IL1RAPL2: variants seen among roughly 807,000 people sequenced by gnomAD.
The protein encoded by IL1RAPL2 is interleukin 1 receptor accessory protein like 2.
A neutral mutation model predicts 44.1 loss-of-function variants in IL1RAPL2; 3 were observed. The ratio of observed to expected loss-of-function variants is 0.07; its 90% CI spans 0.03 to 0.18. The LOEUF (loss-of-function observed/expected upper bound fraction) is 0.18. Among genes scored for constraint, IL1RAPL2 ranks in the 10% least tolerant of loss-of-function variants. IL1RAPL2 has a pLI of 1.00. For synonymous variants in IL1RAPL2, 181 were observed against 178.8 expected (o/e 1.01, Z -0.10); for missense variants, 391 against 496.4 (o/e 0.79, Z 2.02).
At chrX:105,729,205 G>A (rs1434052294) in intron 7 of IL1RAPL2, among the ~76,000 whole-genome samples, 3 of 111,368 alleles carry the variant, frequency 2.7e-5, no homozygotes, top group East Asian at 2.8e-4. Context: ...GCAAGTTTTC[G>A]TGTAGCTATA....
chrX:104,644,896 C>T (rs1930004387), intron 1 of IL1RAPL2, among the ~76,000 whole-genome samples: 1 of 111,560 alleles, frequency 9.0e-6, no homozygotes, highest in Non-Finnish European at 1.9e-5. Flanking sequence ...TGATTCTAAC[C>T]CCGCTACACC....
At chrX:105,006,054 T>G (rs1199108321) in intron 2 of IL1RAPL2, among the ~76,000 whole-genome samples, 1 of 111,074 alleles carries the variant, frequency 9.0e-6, no homozygotes, top group East Asian at 2.9e-4. Context: ...TTACCTAATG[T>G]AGGTTTTTGC....
At chrX:105,671,795 C>A (rs1424548728) in intron 6 of IL1RAPL2, among the ~76,000 whole-genome samples, 1 of 110,990 alleles carries the variant, frequency 9.0e-6, no homozygotes, top group Non-Finnish European at 1.9e-5. Flanking sequence ...AATGTGAAAC[C>A]TTTTGTTATA....
intron 7 of IL1RAPL2, among the ~76,000 whole-genome samples, chrX:105,724,253 A>G (rs2038331936): frequency 9.0e-6 from 1 of 111,660 alleles, no homozygotes; most frequent in African/African-American, 3.3e-5. Context: ...TGAGAGCTTG[A>G]TGAGATAATG....
chrX:104,681,993 T>C (rs1478193425), intron 2 of IL1RAPL2, among the ~76,000 whole-genome samples: 2 of 112,707 alleles, frequency 1.8e-5, no homozygotes, highest in South Asian at 3.6e-4. Flanking sequence ...AACTGAAATA[T>C]AGTTATTTCA....
chrX:104,795,067 C>G (rs752808056), intron 2 of IL1RAPL2, among the ~76,000 whole-genome samples: 2 of 111,462 alleles, frequency 1.8e-5, no homozygotes, highest in African/African-American at 3.3e-5. Context: ...ATAAACCTAC[C>G]TCATAGGAAA....
At chrX:105,260,007 C>A (rs187898891) in intron 4 of IL1RAPL2, among the ~76,000 whole-genome samples, 2 of 112,439 alleles carry the variant, frequency 1.8e-5, no homozygotes, top group African/African-American at 6.4e-5. Context: ...GGCAGCCTGC[C>A]TCTCCCTCCG....
chrX:105,630,526 G>T (rs2037484604), intron 6 of IL1RAPL2, among the ~76,000 whole-genome samples: 1 of 106,082 alleles, frequency 9.4e-6, no homozygotes, highest in Non-Finnish European at 1.9e-5. Flanking sequence ...TAACTAAAGG[G>T]TGTTGCTTCT....
chrX:105,644,043 C>T (rs1477382728), intron 6 of IL1RAPL2, among the ~76,000 whole-genome samples: 1 of 110,966 alleles, frequency 9.0e-6, no homozygotes, highest in Non-Finnish European at 1.9e-5. Flanking sequence ...AGGGGCGTGC[C>T]ATCACGCCTG....
intron 5 of IL1RAPL2, among the ~76,000 whole-genome samples, chrX:105,322,581 C>T (rs1183119726): frequency 8.9e-6 from 1 of 111,829 alleles, no homozygotes; most frequent in Non-Finnish European, 1.9e-5. Context: ...TCTCATGTCC[C>T]AGTTACATGT....
chrX:105,318,730 C>T (rs1228507709), intron 5 of IL1RAPL2, among the ~76,000 whole-genome samples: 2 of 111,128 alleles, frequency 1.8e-5, no homozygotes. Flanking sequence ...TTCTCTCTGC[C>T]TTAGAACTGT....
intron 6 of IL1RAPL2, among the ~76,000 whole-genome samples, chrX:105,553,350 T>A (rs1290545113): frequency 9.0e-6 from 1 of 111,702 alleles, no homozygotes; most frequent in Non-Finnish European, 1.9e-5. Flanking sequence ...GGATCTGCAG[T>A]AAGCAATCAA....
At chrX:105,712,100 C>T (rs1169208598) in intron 6 of IL1RAPL2, among the ~76,000 whole-genome samples, 1 of 111,543 alleles carries the variant, frequency 9.0e-6, no homozygotes, top group Non-Finnish European at 1.9e-5. Flanking sequence ...TCTGAGGTGA[C>T]CCCACTCCTA....
At chrX:104,758,068 C>G (rs1424716188) in intron 2 of IL1RAPL2, among the ~76,000 whole-genome samples, 1 of 111,726 alleles carries the variant, frequency 9.0e-6, no homozygotes, top group African/African-American at 3.2e-5. Context: ...GACCTGGGGA[C>G]AGTTAAACCC....
intron 5 of IL1RAPL2, among the ~76,000 whole-genome samples, chrX:105,374,154 G>C (rs1010330062): frequency 9.3e-6 from 1 of 107,962 alleles, no homozygotes; most frequent in African/African-American, 3.4e-5. Context: ...AGAGCAGATG[G>C]CTGTAGGTGT....
At chrX:104,707,193 A>G (rs1304456406) in intron 2 of IL1RAPL2, among the ~76,000 whole-genome samples, 1 of 111,319 alleles carries the variant, frequency 9.0e-6, no homozygotes, top group Non-Finnish European at 1.9e-5. Context: ...TGTAAATTCA[A>G]TTAGTCGGGG....
At chrX:104,909,418 C>A (rs1171280402) in intron 2 of IL1RAPL2, among the ~76,000 whole-genome samples, 2 of 112,089 alleles carry the variant, frequency 1.8e-5, no homozygotes, top group Non-Finnish European at 3.8e-5. Context: ...AGGAGAGGTG[C>A]TCTGCTTTTT....
At chrX:104,734,018 CAAAT>C (rs773132874) in intron 2 of IL1RAPL2, among the ~76,000 whole-genome samples, 49 of 111,516 alleles carry the variant, frequency 4.4e-4, no homozygotes, top group Non-Finnish European at 8.5e-4. Flanking sequence ...TTATAGTTGG[CAAAT>C]AAATAAAGTA....
At chrX:105,111,877 T>G (rs918826715) in intron 2 of IL1RAPL2, among the ~76,000 whole-genome samples, 4 of 111,945 alleles carry the variant, frequency 3.6e-5, no homozygotes, top group African/African-American at 1.3e-4. Context: ...TGACATAAAT[T>G]AATGGCTGTT....
Sources: allele counts gnomAD v4.1 joint callset (sites outside exome capture counted in the v4.1 genomes callset), GRCh38; gene constraint gnomAD v4.1.1; transcripts MANE v1.5; gene names NCBI Gene and HGNC (gene_info 2026-07-23, HGNC 2026-07-21).